CREBBP: variants seen among roughly 807,000 people sequenced by gnomAD.
CREBBP encodes CREB binding lysine acetyltransferase.
A neutral mutation model predicts 265.0 loss-of-function variants in CREBBP; 19 were observed. That is an observed-to-expected ratio of 0.07 (90% confidence interval 0.05 to 0.11). The LOEUF is 0.11. Among genes scored for constraint, CREBBP ranks in the 10% least tolerant of loss-of-function variants. The pLI is 1.00. For missense variants in CREBBP, 2,525 were observed against 3,219.0 expected (o/e 0.78, Z 5.22); for synonymous variants, 1,457 against 1,223.7 (o/e 1.19, Z -3.98).
chr16:3,841,678 A>T (rs142840526), intron 2 of CREBBP, among the ~76,000 whole-genome samples: 1 of 152,282 alleles, frequency 6.6e-6, no homozygotes, highest in African/African-American at 2.4e-5. Context: ...CCAATAATCT[A>T]CCCAAAATAG....
chr16:3,747,619 C>T (rs902907856), intron 21 of CREBBP, among the ~76,000 whole-genome samples: 3 of 152,212 alleles, frequency 2.0e-5, no homozygotes, highest in African/African-American at 7.2e-5. Context: ...CATGTGTTCC[C>T]TCTGCCTGGC....
At chr16:3,774,508 TTAGA>T (rs1445018593) in intron 12 of CREBBP, 57 bp downstream of exon 12, 20 of 1,609,086 alleles carry the variant, frequency 1.2e-5, no homozygotes, top group Admixed American at 1.7e-5. Flanking sequence ...ATTCTGCTGC[TTAGA>T]TAATGTTCCA....
In CREBBP at chr16:3,736,325, G is replaced by GC. The variant is rs529264128; in HGVS notation, c.4561-123dup. ...GTGTGGCAGAGTCCCATGCATGTGT[G>GC]CCCCCCCACCACAGTGCAGCAGACC... On this transcript the variant is annotated intron_variant, in intron 27 of 30. Coordinates refer to ENST00000262367, the MANE Select transcript of CREBBP (RefSeq NM_004380.3). The GC allele has an allele frequency of 3.5e-4, 368 of 1,039,974 alleles. 2 individuals carry two copies. The East Asian group carries it at 6.4e-3, about 18-fold the overall frequency. 64.4% of individuals were successfully genotyped at this position (1,039,974 alleles called of 1,614,324 possible).
At chr16:3,849,428 T>TGTGTG (rs1567360145) in intron 2 of CREBBP, among the ~76,000 whole-genome samples, 10 of 7,940 alleles carry the variant, frequency 1.3e-3, no homozygotes, top group Admixed American at 8.7e-3. Flanking sequence ...TGTGTGTGTG[T>TGTGTG]GTGTGTGTGT....
chr16:3,771,125 A>G, intron 13 of CREBBP, 139 bp from the exon 14 acceptor site: 1 of 887,030 alleles, frequency 1.1e-6, no homozygotes, highest in South Asian at 1.5e-5. Context: ...CTGCAATGCA[A>G]TGGTGCGATC....
At chr16:3,771,077 T>A (rs550244687) in intron 13 of CREBBP, 91 bp from the exon 14 acceptor site, 464 of 1,148,492 alleles carry the variant, frequency 4.0e-4, no homozygotes, top group Admixed American at 2.5e-3. Flanking sequence ...GAAAAAAAAA[T>A]TTTTTTTTTT....
At chr16:3,793,086 GTGACCAA>G (rs1425734519) in intron 4 of CREBBP, among the ~76,000 whole-genome samples, 1 of 152,230 alleles carries the variant, frequency 6.6e-6, no homozygotes, top group Non-Finnish European at 1.5e-5. Context: ...TGCTCAAGAA[GTGACCAA>G]TGTCTTCCGT....
At chr16:3,836,217 C>T (rs76165390) in intron 2 of CREBBP, among the ~76,000 whole-genome samples, 3 of 151,688 alleles carry the variant, frequency 2.0e-5, no homozygotes, top group African/African-American at 4.8e-5. Flanking sequence ...GGGCGGATCA[C>T]TAGGTCAGGA....
chr16:3,779,134 T>C (rs989265481), intron 8 of CREBBP, among the ~76,000 whole-genome samples: 13 of 149,252 alleles, frequency 8.7e-5, no homozygotes, highest in African/African-American at 3.0e-4. Flanking sequence ...GCCATTGCAC[T>C]CCAGCCTGGG....
intron 2 of CREBBP, among the ~76,000 whole-genome samples, chr16:3,835,602 C>CG (rs1203696972): frequency 2.2e-3 from 275 of 124,202 alleles, no homozygotes; most frequent in Non-Finnish European, 3.1e-3. Context: ...TTTTTTGAGA[C>CG]GGAGTCTTGC....
chr16:3,853,307 T>A (rs2054892459), intron 1 of CREBBP, among the ~76,000 whole-genome samples: 1 of 152,228 alleles, frequency 6.6e-6, no homozygotes, highest in Non-Finnish European at 1.5e-5. Context: ...AATAAGCGGC[T>A]GTATAATACT....
At chr16:3,875,447 C>T (rs1053523535) in intron 1 of CREBBP, among the ~76,000 whole-genome samples, 2 of 152,134 alleles carry the variant, frequency 1.3e-5, no homozygotes, top group East Asian at 1.9e-4. Flanking sequence ...AACAGGAACA[C>T]GAGCCCACAC....
chr16:3,811,993 G>T (rs983290868), intron 2 of CREBBP, among the ~76,000 whole-genome samples: 3 of 151,966 alleles, frequency 2.0e-5, no homozygotes, highest in African/African-American at 7.3e-5. Flanking sequence ...GACTGGCAGG[G>T]TCAGCACCCT....
chr16:3,850,285 C>T lies in CREBBP; in HGVS notation c.798+12G>A. On this transcript the variant is annotated intron_variant, in intron 2 of 30. Coordinates refer to ENST00000262367, the MANE Select transcript of CREBBP (RefSeq NM_004380.3). ...TAGGTAGGAAGTATTGAAAGTGCTT[C>T]AGTTCACTTACCTTGGCCATGCCTC... The T allele has an allele frequency of 8.7e-6, 14 of 1,614,038 alleles. No individual in the cohort carries two copies. Among genetic ancestry groups the T allele is most frequent in the Non-Finnish European group, 1.2e-5 (14 of 1,179,888 alleles).
intron 1 of CREBBP, among the ~76,000 whole-genome samples, chr16:3,854,447 T>C (rs2054918723): frequency 6.6e-6 from 1 of 152,244 alleles, no homozygotes; most frequent in African/African-American, 2.4e-5. Context: ...GATGCAACCC[T>C]AGTACTTCCC....
rs146462182 is a variant in CREBBP at position 3,799,689 on chromosome 16, C to A, written c.976-6063G>T. Among the ~76,000 whole-genome samples, 396 of 152,222 alleles carry A rather than the reference C, an allele frequency of 2.6e-3. 2 individuals carry two copies. Among genetic ancestry groups the A allele is most frequent in the African/African-American group, 9.0e-3 (375 of 41,528 alleles). ...TATTAAAGGTGGACTAATTAAACAT[C>A]CTATGGCTACAGACTTATAATGAAA... On this transcript the variant is annotated intron_variant, in intron 3 of 30. Transcript: ENST00000262367.
chr16:3,871,233 A>ACC (rs34938285), intron 1 of CREBBP, among the ~76,000 whole-genome samples: 1 of 135,888 alleles, frequency 7.4e-6, no homozygotes, highest in African/African-American at 2.7e-5. Context: ...ACACACACAC[A>ACC]CCCCACCCTG....
intron 25 of CREBBP, 58 bp downstream of exon 25, chr16:3,739,520 T>C: frequency 6.2e-7 from 1 of 1,609,932 alleles, no homozygotes; most frequent in Non-Finnish European, 8.5e-7. Flanking sequence ...TTAAGAGCCC[T>C]GGTCTATCCT....
Position 3,736,096 on chromosome 16 carries a change from T to C in CREBBP, c.4668A>G (p.Leu1556=), listed in dbSNP as rs749565984. ...PNVLEESIKE[L]EQEEEERKKE... ...TTTTCCTCTCCTCTTCTTCTTGTTC[T>C]AGTTCCTTAATGCTCTCTTCTAACA... is the stretch of plus-strand genomic sequence containing the variant. Residue 1556 remains leucine, a synonymous_variant, in exon 28 of 31, where the codon CTA becomes CTG. Transcript: ENST00000262367. The C allele has an allele frequency of 1.2e-6, 2 of 1,614,260 alleles. No individual in the cohort carries two copies. Among genetic ancestry groups the C allele is most frequent in the South Asian group, 2.2e-5 (2 of 91,090 alleles).
Sources: allele counts gnomAD v4.1 joint callset (sites outside exome capture counted in the v4.1 genomes callset), GRCh38; gene constraint gnomAD v4.1.1; transcripts MANE v1.5; gene names NCBI Gene and HGNC (gene_info 2026-07-23, HGNC 2026-07-21).